SLIT3: variants seen among roughly 807,000 people sequenced by gnomAD.
SLIT3 encodes the protein slit guidance ligand 3, also known as slit homolog 3 protein.
SLIT3 carries 68 observed loss-of-function variants against 184.0 expected under a neutral mutation model. The ratio of observed to expected loss-of-function variants is 0.37; its 90% CI spans 0.30 to 0.45. The LOEUF (loss-of-function observed/expected upper bound fraction) is 0.45. Among genes scored for constraint, SLIT3 ranks in the 20% least tolerant of loss-of-function variants. The pLI, the probability that SLIT3 is intolerant of heterozygous loss-of-function variation, is 1.00. For missense variants in SLIT3, 1,707 were observed against 2,026.0 expected (o/e 0.84, Z 3.02); for synonymous variants, 831 against 828.6 (o/e 1.00, Z -0.05).
At chr5:168,687,251 C>T in intron 29 of SLIT3, 135 bp from the exon 30 acceptor site, 1 of 982,108 alleles carries the variant, frequency 1.0e-6, no homozygotes, top group Middle Eastern at 2.3e-4. Context: ...TCTGCAAAGC[C>T]TGGCTCCACA....
intron 4 of SLIT3, among the ~76,000 whole-genome samples, chr5:169,129,826 TTTTG>T (rs374300617): frequency 0.063 from 9,580 of 151,064 alleles, 598 homozygotes; most frequent in African/African-American, 0.17. Flanking sequence ...TGGTGGTTTT[TTTTG>T]TTTGTTTGTT....
chr5:169,292,076 C>T (rs1767375220), intron 1 of SLIT3, among the ~76,000 whole-genome samples: 1 of 152,118 alleles, frequency 6.6e-6, no homozygotes, highest in Admixed American at 6.6e-5. Context: ...GGCCCTGGTC[C>T]CCTATGCTTC....
chr5:168,828,513 A>G (rs923903491), intron 6 of SLIT3, among the ~76,000 whole-genome samples: 2 of 152,006 alleles, frequency 1.3e-5, no homozygotes, highest in Non-Finnish European at 2.9e-5. Context: ...AATAAAAATT[A>G]GCTGGGTATG....
At chr5:168,855,977 C>T (rs774509764) in intron 5 of SLIT3, among the ~76,000 whole-genome samples, 12 of 152,174 alleles carry the variant, frequency 7.9e-5, no homozygotes, top group South Asian at 6.2e-4. Context: ...AGTGTGGTAG[C>T]GGGCACCTGT....
intron 4 of SLIT3, among the ~76,000 whole-genome samples, chr5:169,171,298 A>G (rs1018766361): frequency 6.6e-6 from 1 of 152,252 alleles, no homozygotes; most frequent in African/African-American, 2.4e-5. Flanking sequence ...CTCACTCTTA[A>G]GAACCATATG....
chr5:168,907,687 C>T (rs950467866), intron 4 of SLIT3, among the ~76,000 whole-genome samples: 4 of 151,848 alleles, frequency 2.6e-5, no homozygotes, highest in Admixed American at 1.3e-4. Context: ...ACACAGGAAG[C>T]GTAGAAGCAA....
intron 9 of SLIT3, among the ~76,000 whole-genome samples, chr5:168,805,841 C>T (rs2113630504): frequency 6.6e-6 from 1 of 152,306 alleles, no homozygotes; most frequent in African/African-American, 2.4e-5. Flanking sequence ...TACAGAGTAC[C>T]TGCCCATGTG....
At chr5:168,969,723 T>C (rs933491717) in intron 4 of SLIT3, among the ~76,000 whole-genome samples, 2 of 152,344 alleles carry the variant, frequency 1.3e-5, no homozygotes. Context: ...AGGTGCAGTT[T>C]CCATGAACTT....
intron 4 of SLIT3, among the ~76,000 whole-genome samples, chr5:169,078,114 C>T (rs1758818415): frequency 6.6e-6 from 1 of 152,100 alleles, no homozygotes. Flanking sequence ...ACAGGGATCA[C>T]ATGCTGTGCC....
intron 4 of SLIT3, among the ~76,000 whole-genome samples, chr5:168,947,025 A>G (rs1762502929): frequency 6.6e-6 from 1 of 152,202 alleles, no homozygotes; most frequent in Admixed American, 6.5e-5. Context: ...GTCTCACACT[A>G]GCATTTTCTA....
In SLIT3 at chr5:169,053,925, T is replaced by TA. The variant is rs1042868850; in HGVS notation, c.413+139553dup. Among the ~76,000 whole-genome samples the TA allele has an allele frequency of 5.9e-5, 9 of 151,382 alleles. No homozygotes were observed. The East Asian group carries it at 7.8e-4, about 13-fold the overall frequency. On this transcript the variant is annotated intron_variant, in intron 4 of 35. Coordinates refer to ENST00000519560, the MANE Select transcript of SLIT3 (RefSeq NM_003062.4). ...CAACATGGTGAAACCCCATCTCTAC[T>TA]AAAAAAAATACAAAAGTTAGCCAGG...
At chr5:169,064,121 G>GA (rs1486353891) in intron 4 of SLIT3, among the ~76,000 whole-genome samples, 1 of 152,158 alleles carries the variant, frequency 6.6e-6, no homozygotes, top group African/African-American at 2.4e-5. Flanking sequence ...CTTGGTGCCA[G>GA]AAAATTGGAT....
chr5:168,935,422 G>A (rs1179603602), intron 4 of SLIT3, among the ~76,000 whole-genome samples: 2 of 152,172 alleles, frequency 1.3e-5, no homozygotes, highest in East Asian at 1.9e-4. Flanking sequence ...ATTGTGGTCA[G>A]CTCTGGATTC....
intron 4 of SLIT3, among the ~76,000 whole-genome samples, chr5:168,951,265 A>G (rs1457925339): frequency 3.9e-5 from 6 of 152,206 alleles, no homozygotes; most frequent in African/African-American, 1.4e-4. Flanking sequence ...AATTTCAGTG[A>G]GTTATAGTGC....
chr5:169,161,358 AC>A (rs1359064136), intron 4 of SLIT3, among the ~76,000 whole-genome samples: 1 of 151,300 alleles, frequency 6.6e-6, no homozygotes, highest in Non-Finnish European at 1.5e-5. Flanking sequence ...CTCCCCTCCC[AC>A]CCTGTCCATC....
At chr5:169,021,935 G>A (rs1452688341) in intron 4 of SLIT3, among the ~76,000 whole-genome samples, 1 of 145,872 alleles carries the variant, frequency 6.9e-6, no homozygotes, top group Non-Finnish European at 1.5e-5. Flanking sequence ...TGTGGCTACT[G>A]TAATGGAAGT....
chr5:169,005,128 T>G (rs191364553), intron 4 of SLIT3, among the ~76,000 whole-genome samples: 53 of 152,356 alleles, frequency 3.5e-4, no homozygotes, highest in Non-Finnish European at 5.6e-4. Context: ...TTATGCAGAT[T>G]GTTTTTAAAA....
chr5:169,049,473 C>A (rs1319772816), intron 4 of SLIT3, among the ~76,000 whole-genome samples: 2 of 152,110 alleles, frequency 1.3e-5, no homozygotes, highest in East Asian at 3.9e-4. Flanking sequence ...TGCCCACCTT[C>A]CCCCAACACA....
At chr5:169,273,658 G>A (rs4502850) in intron 1 of SLIT3, among the ~76,000 whole-genome samples, 5,512 of 152,150 alleles carry the variant, frequency 0.036, 327 homozygotes, top group African/African-American at 0.13. Flanking sequence ...GGAGGTGAAC[G>A]GCAAGTCTTG....
Sources: gnomAD v4.1 joint callset for allele counts (sites outside exome capture counted in the v4.1 genomes callset) on GRCh38, gnomAD v4.1.1 for gene constraint, MANE v1.5 for transcripts, NCBI Gene and HGNC (gene_info 2026-07-23, HGNC 2026-07-21) for gene names.